The following SYNE1 variants were observed in gnomAD, a reference collection of about 807,000 sequenced individuals.
SYNE1 encodes the protein nesprin-1.
In SYNE1, 616 loss-of-function variants were observed where a neutral mutation model predicts 1,111.0. The ratio of observed to expected loss-of-function variants is 0.55; its 90% CI spans 0.52 to 0.59. The LOEUF (loss-of-function observed/expected upper bound fraction) is 0.59. SYNE1 is among the 20% of genes least tolerant of loss of function. SYNE1 has a pLI of 0.00. For synonymous variants in SYNE1, 3,855 were observed against 3,825.8 expected (o/e 1.01, Z -0.28); for missense variants, 10,006 against 10,417.0 (o/e 0.96, Z 1.72).
intron 40 of SYNE1, among the ~76,000 whole-genome samples, chr6:152,418,547 C>G (rs554334696): frequency 6.6e-6 from 1 of 152,104 alleles, no homozygotes; most frequent in Non-Finnish European, 1.5e-5. Context: ...TGATCAATAT[C>G]GGAATTTTTG....
At position 152,435,999 on chromosome 6, in the gene SYNE1, G is replaced by C. The variant is rs759837450; in HGVS notation, c.4252C>G (p.Gln1418Glu). The C allele has an allele frequency of 1.2e-6, 2 of 1,614,160 alleles. No individual in the cohort carries two copies. Among genetic ancestry groups the C allele is most frequent in the Non-Finnish European group, 1.7e-6 (2 of 1,180,012 alleles). Residue 1418 changes from glutamine to glutamate, a missense_variant, in exon 33 of 146, where the codon CAG becomes GAG. By Grantham distance (29) the Gln-to-Glu change is conservative (BLOSUM62 2). Around this residue, in one of 7 missense-constraint regions of SYNE1, gnomAD observed 1,971 missense variants for 2,084.1 expected, o/e 0.95. Transcript: ENST00000367255. ...TGTTCTTTGATTGACTTGGCCTGCT[G>C]TTGAAGCAGCTGCTTATTTTGGGGC... ...LGPQNKQLLQ[Q>E]QAKSIKEQVK...
chr6:152,405,713 G>A (rs2097888204), intron 45 of SYNE1, among the ~76,000 whole-genome samples: 1 of 152,156 alleles, frequency 6.6e-6, no homozygotes, highest in South Asian at 2.1e-4. Context: ...TGTAATGTTA[G>A]TTTAGCACCA....
Position 152,321,345 on chromosome 6 carries a change from T to C in SYNE1, c.16129A>G (p.Met5377Val). The C allele has an allele frequency of 6.2e-7, 1 of 1,613,908 alleles. No individual in the cohort carries two copies. The highest frequency in any genetic ancestry group is 1.1e-5 in the South Asian group (1 of 91,062). Residue 5377 changes from methionine to valine, a missense_variant, in exon 84 of 146, where the codon ATG becomes GTG. Met to Val is a conservative substitution (Grantham distance 21). This residue lies in a region of SYNE1 where 4,955 missense variants were observed against 5,017.2 expected (regional missense o/e 0.99). Coordinates refer to ENST00000367255, the MANE Select transcript of SYNE1 (RefSeq NM_182961.4). ...ATNHRQNIEK[M>V]AEEQKEKYLG... ...TACTTCTCCTTCTGTTCTTCTGCCATTTTTTCAATGTTCTGTCGGTGATTT... is the reference window on the plus strand; with the variant it reads ...TACTTCTCCTTCTGTTCTTCTGCCACTTTTTCAATGTTCTGTCGGTGATTT...
At chr6:152,161,999 C>T (rs558873550) in intron 131 of SYNE1, among the ~76,000 whole-genome samples, 14 of 152,284 alleles carry the variant, frequency 9.2e-5, no homozygotes, top group African/African-American at 2.6e-4. Context: ...CTAGCCTCCA[C>T]GGTGTCCTGA....
intron 126 of SYNE1, among the ~76,000 whole-genome samples, chr6:152,204,202 T>C (rs946757704): frequency 2.0e-5 from 3 of 151,638 alleles, no homozygotes; most frequent in African/African-American, 7.3e-5. Context: ...CCATCTCTAC[T>C]AAAAATACAA....
chr6:152,171,713 G>C (rs1030926561), intron 130 of SYNE1, among the ~76,000 whole-genome samples: 41 of 152,154 alleles, frequency 2.7e-4, no homozygotes, highest in African/African-American at 9.4e-4. Context: ...CACTTATTTG[G>C]TTAGGGACCA....
intron 25 of SYNE1, 119 bp downstream of exon 25, chr6:152,453,467 C>T (rs757057683): frequency 1.4e-5 from 21 of 1,485,954 alleles, no homozygotes; most frequent in African/African-American, 6.9e-5. Context: ...TTTAAATGAG[C>T]GAAATAGTTA....
At position 152,122,287 on chromosome 6, in the gene SYNE1, A is replaced by C. The variant is rs1334599882; in HGVS notation, c.*149T>G. 32 of 1,238,816 alleles carry C rather than the reference A, an allele frequency of 2.6e-5. No homozygotes were observed. Among genetic ancestry groups the C allele is most frequent in the Non-Finnish European group, 2.8e-5 (24 of 858,058 alleles). 76.7% of individuals were successfully genotyped at this position (1,238,816 alleles called of 1,614,324 possible). On this transcript the variant is annotated 3_prime_UTR_variant, in exon 146 of 146. Transcript: ENST00000367255. ...TTTATCTTCCACCTCTGAAGCCATA[A>C]TTTGCACACATGTGATCTGGAGGAG...
At chr6:152,432,326 T>C (rs2098436810) in intron 34 of SYNE1, among the ~76,000 whole-genome samples, 1 of 152,288 alleles carries the variant, frequency 6.6e-6, no homozygotes, top group South Asian at 2.1e-4. Context: ...ACCTTTCCTA[T>C]AATGTAGTCT....
At chr6:152,323,385 G>A in intron 82 of SYNE1, 93 bp downstream of exon 82, 1 of 1,562,176 alleles carries the variant, frequency 6.4e-7, no homozygotes, top group African/African-American at 1.3e-5. Context: ...CTTGCAGTGA[G>A]CCGAGATCAC....
At chr6:152,369,705 G>A in intron 59 of SYNE1, 91 bp from the exon 60 acceptor site, 8 of 1,486,024 alleles carry the variant, frequency 5.4e-6, no homozygotes, top group South Asian at 3.5e-5. Context: ...CACCCAGGCT[G>A]GGCACAGTGG....
At chr6:152,562,092 G>A (rs936774877) in intron 3 of SYNE1, among the ~76,000 whole-genome samples, 3 of 152,148 alleles carry the variant, frequency 2.0e-5, no homozygotes, top group Non-Finnish European at 4.4e-5. Flanking sequence ...CTTCTGCACA[G>A]CAAAGGGAAC....
At chr6:152,358,848 A>C (rs1329336636) in intron 65 of SYNE1, among the ~76,000 whole-genome samples, 1 of 152,236 alleles carries the variant, frequency 6.6e-6, no homozygotes, top group Non-Finnish European at 1.5e-5. Context: ...TAATGAAGAA[A>C]ATTGAAATTC....
At chr6:152,160,819 G>A (rs1444769730) in intron 131 of SYNE1, among the ~76,000 whole-genome samples, 1 of 152,164 alleles carries the variant, frequency 6.6e-6, no homozygotes, top group East Asian at 1.9e-4. Context: ...GAAACCTTTA[G>A]GATCTCCTTA....
At chr6:152,184,280 A>T (rs1361849560) in intron 128 of SYNE1, among the ~76,000 whole-genome samples, 3 of 152,098 alleles carry the variant, frequency 2.0e-5, no homozygotes, top group Admixed American at 2.0e-4. Flanking sequence ...TATTAAAAGA[A>T]TACAAAATTA....
At chr6:152,188,818 C>T (rs541556733) in intron 128 of SYNE1, among the ~76,000 whole-genome samples, 10 of 150,876 alleles carry the variant, frequency 6.6e-5, no homozygotes, top group African/African-American at 2.2e-4. Flanking sequence ...ATTAGCTGGG[C>T]ATGGTGGCAG....
intron 14 of SYNE1, chr6:152,472,773 C>T (rs2098813898): frequency 3.2e-6 from 2 of 623,700 alleles, no homozygotes; most frequent in African/African-American, 3.7e-5. Flanking sequence ...TTTTTAAAAG[C>T]TTAAAACTGA....
chr6:152,225,911 TCTA>T, intron 115 of SYNE1, 35 bp from the exon 116 acceptor site: 1 of 1,602,892 alleles, frequency 6.2e-7, no homozygotes, highest in Non-Finnish European at 8.5e-7. Flanking sequence ...TTTAAATTGT[TCTA>T]TTATGGAACT....
intron 91 of SYNE1, 155 bp from the exon 92 acceptor site, chr6:152,302,218 G>A (rs2095213464): frequency 1.0e-5 from 10 of 991,962 alleles, no homozygotes; most frequent in South Asian, 1.4e-5. Context: ...CCTGCATCTC[G>A]CTACCGAGCC....
Sources: allele counts gnomAD v4.1 joint callset (sites outside exome capture counted in the v4.1 genomes callset), GRCh38; gene constraint gnomAD v4.1.1; regional missense constraint gnomAD v4.1.1; transcripts MANE v1.5; gene names NCBI Gene and HGNC (gene_info 2026-07-23, HGNC 2026-07-21).